JAKMIP2: variants seen among roughly 807,000 people sequenced by gnomAD.
The protein encoded by JAKMIP2 is janus kinase and microtubule interacting protein 2, also known as janus kinase and microtubule-interacting protein 2.
A neutral mutation model predicts 115.0 loss-of-function variants in JAKMIP2; 25 were observed. The ratio of observed to expected loss-of-function variants is 0.22; its 90% CI spans 0.16 to 0.30. The LOEUF is 0.30. JAKMIP2 is among the 10% of genes least tolerant of loss of function. The probability of loss-of-function intolerance (pLI) is 1.00; values close to 1 mark genes in which losing one functional copy is unlikely to be tolerated. For missense variants in JAKMIP2, 642 were observed against 957.6 expected (o/e 0.67, Z 4.35); for synonymous variants, 334 against 343.6 (o/e 0.97, Z 0.31).
chr5:147,609,451 T>C (rs1192581979), intron 20 of JAKMIP2, among the ~76,000 whole-genome samples: 6 of 152,322 alleles, frequency 3.9e-5, no homozygotes, highest in African/African-American at 1.2e-4. Context: ...TTTGGCTGGA[T>C]ATGAAATTCT....
chr5:147,601,837 T>C, intron 20 of JAKMIP2, 26 bp from the exon 21 acceptor site: 2 of 1,084,654 alleles, frequency 1.8e-6, no homozygotes, highest in Non-Finnish European at 1.4e-6. Flanking sequence ...AAGAAGATTA[T>C]GTAAATCTGA....
At chr5:147,667,209 G>A (rs1297948324) in intron 2 of JAKMIP2, among the ~76,000 whole-genome samples, 1 of 152,112 alleles carries the variant, frequency 6.6e-6, no homozygotes. Flanking sequence ...GCACTCGGTA[G>A]GGCTTTGAAT....
At chr5:147,744,546 C>G (rs1754279434) in intron 1 of JAKMIP2, among the ~76,000 whole-genome samples, 1 of 152,182 alleles carries the variant, frequency 6.6e-6, no homozygotes, top group South Asian at 2.1e-4. Context: ...CCCATTAATA[C>G]TGTTTTAAAG....
chr5:147,718,354 G>A (rs1040777535), intron 1 of JAKMIP2, among the ~76,000 whole-genome samples: 10 of 150,124 alleles, frequency 6.7e-5, no homozygotes, highest in African/African-American at 2.5e-4. Context: ...GAATGATGCT[G>A]GCCTCACAAA....
chr5:147,701,856 C>T (rs1448675463), intron 1 of JAKMIP2, among the ~76,000 whole-genome samples: 2 of 152,130 alleles, frequency 1.3e-5, no homozygotes, highest in Non-Finnish European at 2.9e-5. Flanking sequence ...GCAATAAATT[C>T]CATCATTTAT....
intron 16 of JAKMIP2, among the ~76,000 whole-genome samples, chr5:147,628,165 G>C (rs533321710): frequency 6.6e-6 from 1 of 152,080 alleles, no homozygotes; most frequent in Non-Finnish European, 1.5e-5. Flanking sequence ...AGGACTATAG[G>C]TACATACCAT....
At chr5:147,697,843 G>A (rs1380531392) in intron 1 of JAKMIP2, among the ~76,000 whole-genome samples, 1 of 152,236 alleles carries the variant, frequency 6.6e-6, no homozygotes, top group Admixed American at 6.5e-5. Context: ...TCCTCATGGA[G>A]AATCTTTGCT....
intron 18 of JAKMIP2, among the ~76,000 whole-genome samples, chr5:147,619,661 T>C (rs1035901994): frequency 1.3e-5 from 2 of 152,304 alleles, no homozygotes; most frequent in East Asian, 3.9e-4. Context: ...TGAAGAAGCA[T>C]GCAATAGGAA....
chr5:147,742,609 T>C (rs1323732199), intron 1 of JAKMIP2, among the ~76,000 whole-genome samples: 1 of 152,032 alleles, frequency 6.6e-6, no homozygotes, highest in African/African-American at 2.4e-5. Context: ...TCCAGCAAGA[T>C]AAGGGAATAG....
intron 1 of JAKMIP2, among the ~76,000 whole-genome samples, chr5:147,709,350 A>C (rs1382694498): frequency 1.3e-5 from 2 of 152,188 alleles, no homozygotes; most frequent in Non-Finnish European, 2.9e-5. Context: ...GTGGACATCT[A>C]TACTTACATT....
chr5:147,739,937 G>C (rs546038587), intron 1 of JAKMIP2, among the ~76,000 whole-genome samples: 3 of 152,292 alleles, frequency 2.0e-5, no homozygotes, highest in South Asian at 2.1e-4. Context: ...ACTATGTCTA[G>C]TATGCACATT....
chr5:147,725,540 C>T (rs1029269190), intron 1 of JAKMIP2, among the ~76,000 whole-genome samples: 1 of 152,098 alleles, frequency 6.6e-6, no homozygotes, highest in Admixed American at 6.5e-5. Flanking sequence ...AGATCCCTGA[C>T]CCAAAGGAAA....
chr5:147,639,654 A>G lies in JAKMIP2; in HGVS notation c.1508T>C (p.Ile503Thr). ...ALLQEQTGGI[I>T]DAEREAKAQE... is the part of the protein sequence containing the mutation. Reference sequence around the variant, plus strand: ...AACCTTGGCTTCTCGTTCAGCGTCGATGATGCCTCCCGTCTGCTCCTGTAG... The same window carrying G: ...AACCTTGGCTTCTCGTTCAGCGTCGGTGATGCCTCCCGTCTGCTCCTGTAG... Residue 503 changes from isoleucine (I) to threonine (T), a missense_variant, in exon 10 of 22, where the codon ATC (isoleucine) becomes ACC (threonine). By Grantham distance (89) the Ile-to-Thr change is moderately conservative. This residue lies in a region of JAKMIP2 where 103 missense variants were observed against 177.6 expected (regional missense o/e 0.58). Transcript: ENST00000616793. 1 of 1,613,512 alleles carries G rather than the reference A, an allele frequency of 6.2e-7. No individual in the cohort carries two copies. Among genetic ancestry groups the G allele is most frequent in the Non-Finnish European group, 8.5e-7 (1 of 1,179,756 alleles).
chr5:147,660,478 A>C (rs1758900456), intron 3 of JAKMIP2: 1 of 455,058 alleles, frequency 2.2e-6, no homozygotes, highest in Non-Finnish European at 4.4e-6. Flanking sequence ...GAAAAGACTC[A>C]AGATGTTCTC....
intron 6 of JAKMIP2, 71 bp from the exon 7 acceptor site, chr5:147,644,269 A>G (rs1758020282): frequency 7.2e-7 from 1 of 1,394,050 alleles, no homozygotes; most frequent in Non-Finnish European, 9.6e-7. Context: ...AACATAAAAT[A>G]TCTGTAGAAA....
At position 147,698,200 on chromosome 5, in the gene JAKMIP2, T is replaced by G. The variant is rs535826177; in HGVS notation, c.-148-26246A>C. On this transcript the variant is annotated intron_variant, in intron 1 of 21. Transcript: ENST00000616793. ...TGCTCTATTGGATTTTGGACTTGCA[T>G]GACCCCATAGCCTCTTTGTTCTGGC... is the stretch of plus-strand genomic sequence containing the variant. Among the ~76,000 whole-genome samples, 5 of 152,332 alleles carry G rather than the reference T, an allele frequency of 3.3e-5. No individual in the cohort carries two copies. In the South Asian group the frequency reaches 1.0e-3, roughly 32 times the overall value.
At chr5:147,649,538 G>A (rs1758292979) in intron 4 of JAKMIP2, among the ~76,000 whole-genome samples, 2 of 152,012 alleles carry the variant, frequency 1.3e-5, no homozygotes, top group Non-Finnish European at 2.9e-5. Context: ...CCATTCTCTT[G>A]ACAACTATGC....
intron 1 of JAKMIP2, among the ~76,000 whole-genome samples, chr5:147,692,471 C>G (rs188285517): frequency 6.6e-6 from 1 of 152,244 alleles, no homozygotes; most frequent in East Asian, 1.9e-4. Flanking sequence ...TCAGATCAGG[C>G]CAGGTTCTTC....
chr5:147,591,036 A>G lies in JAKMIP2; in HGVS notation c.*671T>C, dbSNP rs1755076991. 6.6e-6 allele frequency: 1 copy of G among 152,622 alleles called. No homozygotes were observed. 9.5% of individuals were successfully genotyped at this position (152,622 alleles called of 1,614,324 possible). A position where few individuals can be genotyped will look rare whatever the true frequency, so the allele number is the denominator to read the frequency against. ...CCACAAGCTCCACCTTTTGCAGAAA[A>G]ACAAAACAGAGAGTGTTTTTCTTCC... On this transcript the variant is annotated 3_prime_UTR_variant, in exon 22 of 22. Coordinates refer to ENST00000616793, the MANE Select transcript of JAKMIP2 (RefSeq NM_001270941.2).
Sources: gnomAD v4.1 joint callset for allele counts (sites outside exome capture counted in the v4.1 genomes callset) on GRCh38, gnomAD v4.1.1 for gene constraint, gnomAD v4.1.1 regional missense constraint, MANE v1.5 for transcripts, NCBI Gene and HGNC (gene_info 2026-07-23, HGNC 2026-07-21) for gene names.